The following DIAPH2 variants were observed in gnomAD, a reference collection of about 807,000 sequenced individuals.
DIAPH2 encodes protein diaphanous homolog 2.
Under a neutral mutation model 92.7 loss-of-function variants are expected in DIAPH2, and 35 were observed. That is an observed-to-expected ratio of 0.38 (90% CI 0.29 to 0.50). The LOEUF (loss-of-function observed/expected upper bound fraction) is 0.50, where lower values mean the gene tolerates loss of function less well. Ranked by LOEUF, DIAPH2 falls within the 20% of genes least tolerant of loss-of-function variation. The pLI is 0.94. For synonymous variants in DIAPH2, 301 were observed against 280.4 expected, an observed-to-expected ratio of 1.07 and a Z score of -0.73; for missense variants, 701 against 819.5, an observed-to-expected ratio of 0.86 and a Z score of 1.77.
chrX:97,224,537 A>C (rs1471884425), intron 22 of DIAPH2, among the ~76,000 whole-genome samples: 1 of 112,185 alleles, frequency 8.9e-6, no homozygotes, highest in Non-Finnish European at 1.9e-5. Flanking sequence ...GTGTGTGTTC[A>C]TGAATGCAGT....
intron 13 of DIAPH2, among the ~76,000 whole-genome samples, chrX:96,944,311 A>ACTTTCCTC (rs1454121549): frequency 9.8e-5 from 11 of 111,770 alleles, no homozygotes; most frequent in African/African-American, 3.6e-4. Flanking sequence ...GTCATTTCCT[A>ACTTTCCTC]CTTTCCTCCT....
intron 4 of DIAPH2, among the ~76,000 whole-genome samples, chrX:96,801,247 C>A (rs1449691742): frequency 8.9e-6 from 1 of 112,172 alleles, no homozygotes; most frequent in African/African-American, 3.2e-5. Context: ...TTTGCTACAG[C>A]AAGCAATCAT....
chrX:97,023,092 T>C (rs916389946), intron 17 of DIAPH2, among the ~76,000 whole-genome samples: 1 of 112,085 alleles, frequency 8.9e-6, no homozygotes, highest in Non-Finnish European at 1.9e-5. Flanking sequence ...CAATTACAAA[T>C]TTTATTCACA....
At chrX:97,369,735 T>G (rs1169859874) in intron 24 of DIAPH2, among the ~76,000 whole-genome samples, 1 of 111,298 alleles carries the variant, frequency 9.0e-6, no homozygotes, top group African/African-American at 3.3e-5. Flanking sequence ...AACAATCACT[T>G]TCTACTTACA....
rs188499216 is a variant in DIAPH2, at chrX:97,170,871, A to G, written c.2719+29077A>G. On this transcript the variant is annotated intron_variant, in intron 22 of 26. Transcript: ENST00000324765. The stretch of plus-strand genomic sequence containing the variant: ...ACATGATTTTCTTTTTTAAAAAATT[A>G]TTTATTTATTTATTTATTTTTTTGA... 1.6e-4 allele frequency among the ~76,000 whole-genome samples: 18 copies of G among 110,058 alleles called. No homozygotes were observed. In the East Asian group the frequency reaches 4.5e-3, roughly 28 times the overall value.
chrX:96,737,528 C>T (rs1292933819), intron 2 of DIAPH2, among the ~76,000 whole-genome samples: 1 of 111,292 alleles, frequency 9.0e-6, no homozygotes, highest in African/African-American at 3.3e-5. Context: ...TGATGGTATG[C>T]ATGTGCTTCC....
chrX:97,314,457 A>C (rs2068824524), intron 23 of DIAPH2, among the ~76,000 whole-genome samples: 1 of 111,214 alleles, frequency 9.0e-6, no homozygotes, highest in Admixed American at 9.7e-5. Flanking sequence ...CATCACAGTA[A>C]AAAATAATAT....
At chrX:96,816,568 C>A (rs2064736963) in intron 4 of DIAPH2, among the ~76,000 whole-genome samples, 1 of 112,090 alleles carries the variant, frequency 8.9e-6, no homozygotes, top group Non-Finnish European at 1.9e-5. Context: ...AAAAGACAGG[C>A]AATAACAAAT....
rs145796688 is a variant in DIAPH2 at position 97,322,164 on chromosome X, T to G, written c.2845-25952T>G. On this transcript the variant is annotated intron_variant, in intron 23 of 26. Coordinates refer to ENST00000324765, the MANE Select transcript of DIAPH2 (RefSeq NM_006729.5). ...TTAATGAAGATATATTGTTTATAAT[T>G]CACACTTTGCAGACCCCTTTGAAGA... Among the ~76,000 whole-genome samples, 478 of 112,783 alleles carry G rather than the reference T, an allele frequency of 4.2e-3. 3 individuals are homozygous for G. Among genetic ancestry groups the G allele is most frequent in the African/African-American group, 0.013 (413 of 31,184 alleles).
intron 26 of DIAPH2, among the ~76,000 whole-genome samples, chrX:97,516,026 G>A (rs1199326149): frequency 9.0e-6 from 1 of 110,610 alleles, no homozygotes; most frequent in Non-Finnish European, 1.9e-5. Flanking sequence ...GGCGGAGGCG[G>A]GCGGATCATG....
At chrX:97,515,982 C>T (rs1353010369) in intron 26 of DIAPH2, among the ~76,000 whole-genome samples, 2 of 110,862 alleles carry the variant, frequency 1.8e-5, no homozygotes, top group Non-Finnish European at 3.8e-5. Flanking sequence ...GGCCGGGCAC[C>T]GTGGCTCATG....
intron 17 of DIAPH2, among the ~76,000 whole-genome samples, chrX:97,007,712 A>C (rs1206318373): frequency 1.9e-5 from 2 of 105,133 alleles, no homozygotes; most frequent in Non-Finnish European, 3.9e-5. Flanking sequence ...AGGTTTGGAA[A>C]GTTTTCTGAT....
chrX:96,965,153 G>T lies in DIAPH2; in HGVS notation c.1996G>T (p.Glu666Ter). 8.3e-7 allele frequency: 1 copy of T among 1,199,334 alleles called. No individual in the cohort carries two copies. The highest frequency in any genetic ancestry group is 1.8e-5 in the South Asian group (1 of 54,923). ...GTTAAGAGTCAAAGAAGACAAGTTT[G>T]AGAATCCAGATCTCTTTGCCAAATT... ...FWLRVKEDKF[E>*]NPDLFAKLAL... Residue 666 changes from glutamate (E) to a stop codon, truncating the protein, a stop_gained, in exon 17 of 27, where the codon GAG (glutamate) becomes TAG (stop). Transcript: ENST00000324765. LOFTEE classifies it high-confidence loss of function.
chrX:97,059,485 C>T (rs2066581799), intron 17 of DIAPH2, among the ~76,000 whole-genome samples: 1 of 110,601 alleles, frequency 9.0e-6, no homozygotes, highest in Non-Finnish European at 1.9e-5. Context: ...GATTGGGGTG[C>T]CGACCGCCCG....
At chrX:96,936,892 A>G (rs1208415878) in intron 10 of DIAPH2, among the ~76,000 whole-genome samples, 1 of 111,884 alleles carries the variant, frequency 8.9e-6, no homozygotes, top group Non-Finnish European at 1.9e-5. Flanking sequence ...TGACTGCATG[A>G]GTTCTTTTGC....
At chrX:97,212,594 T>G (rs2067849951) in intron 22 of DIAPH2, among the ~76,000 whole-genome samples, 2 of 106,356 alleles carry the variant, frequency 1.9e-5, no homozygotes, top group South Asian at 8.4e-4. Flanking sequence ...TTTTTTGTTT[T>G]TTTTTTTTTT....
At chrX:96,945,620 G>C in intron 14 of DIAPH2, 29 bp downstream of exon 14, 2 of 1,024,196 alleles carry the variant, frequency 2.0e-6, no homozygotes, top group East Asian at 3.5e-5. Flanking sequence ...AGCCATAATC[G>C]TTAGGTTAAT....
chrX:96,946,770 TTG>T (rs1405987389), intron 14 of DIAPH2, among the ~76,000 whole-genome samples: 1 of 111,728 alleles, frequency 9.0e-6, no homozygotes, highest in African/African-American at 3.2e-5. Context: ...CTGGAGCAAA[TTG>T]TGATTATCTG....
chrX:96,802,217 T>A (rs2064587938), intron 4 of DIAPH2, among the ~76,000 whole-genome samples: 1 of 112,277 alleles, frequency 8.9e-6, no homozygotes, highest in Non-Finnish European at 1.9e-5. Flanking sequence ...TTAAATTTTG[T>A]TCTTCTGTAG....
Sources: allele counts gnomAD v4.1 joint callset (sites outside exome capture counted in the v4.1 genomes callset), GRCh38; gene constraint gnomAD v4.1.1; transcripts MANE v1.5; gene names NCBI Gene and HGNC (gene_info 2026-07-23, HGNC 2026-07-21).